IL1F10: variants seen among roughly 807,000 people sequenced by gnomAD.
IL1F10 encodes the protein interleukin 1 family member 10.
In IL1F10, 13 loss-of-function variants were observed where a neutral mutation model predicts 13.1. The observed-to-expected ratio is 0.99, with a 90% CI of 0.64 to 1.57. The LOEUF (loss-of-function observed/expected upper bound fraction) is 1.57, where lower values mean the gene tolerates loss of function less well. Among genes scored for constraint, IL1F10 ranks in the 40% most tolerant of loss-of-function variants. The pLI, the probability that IL1F10 is intolerant of heterozygous loss-of-function variation, is 0.00. For missense variants in IL1F10, 191 were observed against 184.1 expected, an observed-to-expected ratio of 1.04 and a Z score of -0.22; for synonymous variants, 78 against 68.2, an observed-to-expected ratio of 1.14 and a Z score of -0.71.
intron 1 of IL1F10, chr2:113,072,386 C>G (rs112169374): frequency 1.2e-5 from 3 of 242,846 alleles, no homozygotes; most frequent in African/African-American, 2.3e-5. Flanking sequence ...CACTCCACCC[C>G]ACTCTCAGGG....
rs1369444076 is a variant in IL1F10 at position 113,075,529 on chromosome 2, A to G, written c.*165A>G. ...CCAAAGAGGTTTTGCAAATGTGATT[A>G]TGTTAAGGATCTTGAAATGAGGAGA... On this transcript the variant is annotated 3_prime_UTR_variant, in exon 5 of 5. Transcript: ENST00000341010. The G allele has an allele frequency of 4.3e-6, 2 of 466,848 alleles. No individual in the cohort carries two copies. Among genetic ancestry groups the G allele is most frequent in the African/African-American group, 4.0e-5 (2 of 50,466 alleles). 28.9% of individuals were successfully genotyped at this position (466,848 alleles called of 1,614,324 possible). A position where few individuals can be genotyped will look rare whatever the true frequency, so the allele number is the denominator to read the frequency against.
At position 113,075,394 on chromosome 2, in the gene IL1F10, G is replaced by T; in HGVS notation, c.*30G>T. ...ACAGGAAACTGCGTTTTAGCCTTGT[G>T]CCCCCAAACCAAGCTCATCCTGCTC... On this transcript the variant is annotated 3_prime_UTR_variant, in exon 5 of 5. Transcript: ENST00000341010. 1 of 1,504,860 alleles carries T rather than the reference G, an allele frequency of 6.6e-7. No individual in the cohort carries two copies. Among genetic ancestry groups the T allele is most frequent in the Non-Finnish European group, 9.0e-7 (1 of 1,113,028 alleles). 93.2% of individuals were successfully genotyped at this position (1,504,860 alleles called of 1,614,324 possible).
intron 1 of IL1F10, among the ~76,000 whole-genome samples, chr2:113,068,517 T>G (rs1685782769): frequency 6.6e-6 from 1 of 152,142 alleles, no homozygotes; most frequent in Admixed American, 6.5e-5. Flanking sequence ...CTTAAAACAG[T>G]TTTGAAAGAT....
chr2:113,074,370 G>A lies in IL1F10; in HGVS notation c.74G>A (p.Gly25Asp), dbSNP rs1363911783. Residue 25 changes from glycine (G) to aspartate (D), a missense_variant, in exon 3 of 5, where the codon GGC becomes GAC. By Grantham distance (94) the Gly-to-Asp change is moderately conservative. Transcript: ENST00000341010. ...CAGAAGGCTCTATACACAAGAGATG[G>A]CCAGCTGCTGGTGGGAGATCCTGTT... ...ADQKALYTRDGQLLVGDPVAD... is the reference protein window; with the variant it reads ...ADQKALYTRDDQLLVGDPVAD... The A allele has an allele frequency of 8.1e-6, 13 of 1,613,866 alleles. No individual in the cohort carries two copies. Among genetic ancestry groups the A allele is most frequent in the Non-Finnish European group, 1.1e-5 (13 of 1,179,858 alleles).
chr2:113,068,930 A>G (rs941455882), intron 1 of IL1F10, among the ~76,000 whole-genome samples: 3 of 152,234 alleles, frequency 2.0e-5, no homozygotes, highest in Admixed American at 2.0e-4. Flanking sequence ...ATCTAATCCC[A>G]TGAATGTATA....
intron 1 of IL1F10, among the ~76,000 whole-genome samples, chr2:113,069,255 A>G (rs1867833): frequency 0.77 from 117,544 of 151,962 alleles, 46,259 homozygotes; most frequent in East Asian, 0.93. Context: ...CCAGACGGTG[A>G]CAAAACAGTC....
chr2:113,073,317 A>G (rs1685871754), intron 2 of IL1F10, among the ~76,000 whole-genome samples: 1 of 152,154 alleles, frequency 6.6e-6, no homozygotes, highest in African/African-American at 2.4e-5. Flanking sequence ...GAAGGAGGTG[A>G]GGCATAAGAA....
intron 2 of IL1F10, among the ~76,000 whole-genome samples, chr2:113,073,349 T>C (rs3811053): frequency 0.23 from 34,501 of 152,024 alleles, 6,249 homozygotes; most frequent in African/African-American, 0.5. Flanking sequence ...GACTCTGGGA[T>C]GCATTTCCTC....
At chr2:113,072,909 A>G (rs1167567764) in intron 2 of IL1F10, 139 bp downstream of exon 2, 7 of 681,798 alleles carry the variant, frequency 1.0e-5, no homozygotes, top group African/African-American at 1.8e-5. Flanking sequence ...CATCATCACC[A>G]CAGTAGCAAC....
intron 1 of IL1F10, among the ~76,000 whole-genome samples, chr2:113,071,481 T>C (rs1208783056): frequency 6.6e-6 from 1 of 152,242 alleles, no homozygotes; most frequent in Non-Finnish European, 1.5e-5. Flanking sequence ...TTTAAGACTT[T>C]CATTCACAGC....
At chr2:113,069,054 C>A (rs1015241676) in intron 1 of IL1F10, among the ~76,000 whole-genome samples, 1 of 152,198 alleles carries the variant, frequency 6.6e-6, no homozygotes, top group Non-Finnish European at 1.5e-5. Flanking sequence ...TATACTGATA[C>A]TATCTCCAGT....
Position 113,074,698 on chromosome 2 carries a change from G to A in IL1F10, c.119-25G>A, listed in dbSNP as rs1186700044. ...GCAACATGGGGTTCCCTTGTCCCTT[G>A]ACTCTTCTCTCTCTTCCCTCCTAGA... On this transcript the variant is annotated intron_variant, in intron 3 of 4. Transcript: ENST00000341010. 3.7e-6 allele frequency: 6 copies of A among 1,613,054 alleles called. No individual in the cohort carries two copies. In the South Asian group the frequency reaches 6.6e-5, roughly 18 times the overall value.
intron 1 of IL1F10, among the ~76,000 whole-genome samples, chr2:113,069,625 G>C (rs1018876737): frequency 6.6e-6 from 1 of 152,224 alleles, no homozygotes; most frequent in Non-Finnish European, 1.5e-5. Flanking sequence ...ATATCAGCAG[G>C]ATGTCCAAAG....
rs13005572 is a variant in IL1F10 at position 113,075,404 on chromosome 2, C to T, written c.*40C>T. The T allele has an allele frequency of 0.22, 320,574 of 1,430,068 alleles. 37,211 individuals carry two copies. The highest frequency in any genetic ancestry group is 0.29 in the South Asian group (21,436 of 74,092). 88.6% of individuals were successfully genotyped at this position (1,430,068 alleles called of 1,614,324 possible). ...GCGTTTTAGCCTTGTGCCCCCAAAC[C>T]AAGCTCATCCTGCTCAGGGTCTATG... On this transcript the variant is annotated 3_prime_UTR_variant, in exon 5 of 5. Coordinates refer to ENST00000341010, the MANE Select transcript of IL1F10 (RefSeq NM_173161.3).
chr2:113,074,570 T>C (rs769140584), intron 3 of IL1F10, 153 bp from the exon 4 acceptor site: 6 of 1,124,738 alleles, frequency 5.3e-6, no homozygotes, highest in Non-Finnish European at 5.4e-6. Context: ...GGGACATGAC[T>C]CCTGCAGAAG....
chr2:113,073,943 G>T (rs1213439146), intron 2 of IL1F10, among the ~76,000 whole-genome samples: 1 of 152,140 alleles, frequency 6.6e-6, no homozygotes, highest in Non-Finnish European at 1.5e-5. Flanking sequence ...AACAATTAGG[G>T]CAGGCCCAAA....
Position 113,074,679 on chromosome 2 carries a change from T to TG in IL1F10, c.119-40dup, listed in dbSNP as rs1202389248. ...CTTTACCTGCCAAGAGCCTGCAACA[T>TG]GGGGTTCCCTTGTCCCTTGACTCTT... is the stretch of plus-strand genomic sequence containing the variant. On this transcript the variant is annotated intron_variant, in intron 3 of 4. Coordinates refer to ENST00000341010, the MANE Select transcript of IL1F10 (RefSeq NM_173161.3). 5.0e-6 allele frequency: 8 copies of TG among 1,610,478 alleles called. No individual in the cohort carries two copies. The African/African-American group carries it at 5.3e-5, about 11-fold the overall frequency.
At chr2:113,074,030 T>C (rs369604507) in intron 2 of IL1F10, among the ~76,000 whole-genome samples, 2 of 152,106 alleles carry the variant, frequency 1.3e-5, no homozygotes, top group East Asian at 3.9e-4. Flanking sequence ...CCAGGAACAT[T>C]TTCTTTACCC....
intron 2 of IL1F10, among the ~76,000 whole-genome samples, chr2:113,073,555 G>C (rs1685877229): frequency 6.6e-6 from 1 of 152,212 alleles, no homozygotes; most frequent in Admixed American, 6.5e-5. Context: ...AATGCTGCTG[G>C]CATGTGAGTT....
Sources: allele counts gnomAD v4.1 joint callset (sites outside exome capture counted in the v4.1 genomes callset), GRCh38; gene constraint gnomAD v4.1.1; transcripts MANE v1.5; gene names NCBI Gene and HGNC (gene_info 2026-07-23, HGNC 2026-07-21).